FGGY: variants seen among roughly 807,000 people sequenced by gnomAD.
FGGY encodes FGGY carbohydrate kinase domain-containing protein.
In FGGY, 72 loss-of-function variants were observed where a neutral mutation model predicts 71.3. The ratio of observed to expected loss-of-function variants is 1.01; its 90% CI spans 0.84 to 1.23. The LOEUF is 1.23. Among genes scored for constraint, FGGY ranks in the 50% most tolerant of loss-of-function variants. The pLI is 0.00. For missense variants in FGGY, 668 were observed against 682.3 expected (o/e 0.98, Z 0.23); for synonymous variants, 251 against 250.3 (o/e 1.00, Z -0.02).
At chr1:59,296,565 G>T (rs1196962206), upstream of FGGY, 1 of 152,426 alleles carries the variant, frequency 6.6e-6, no homozygotes, top group African/African-American at 2.4e-5. Context: ...GGTTGGCTAG[G>T]CCCCAGGGAA....
At chr1:59,409,041 C>T (rs561805671) in intron 5 of FGGY, among the ~76,000 whole-genome samples, 1 of 152,288 alleles carries the variant, frequency 6.6e-6, no homozygotes, top group East Asian at 1.9e-4. Flanking sequence ...AAATCTCCAT[C>T]CTCCCCCATC....
chr1:59,436,948 A>G (rs897244704), intron 5 of FGGY, among the ~76,000 whole-genome samples: 1 of 152,218 alleles, frequency 6.6e-6, no homozygotes, highest in African/African-American at 2.4e-5. Flanking sequence ...AAACTCTCCC[A>G]TGACACTATG....
rs754831417 is a variant in FGGY, at chr1:59,542,445, CTTTTTTTTTTTTTTT to C, written c.800-11662_800-11648del. Among the ~76,000 whole-genome samples, 272 of 34,272 alleles carry C rather than the reference CTTTTTTTTTTTTTTT, an allele frequency of 7.9e-3. 2 individuals carry two copies. The highest frequency in any genetic ancestry group is 0.021 in the Admixed American group (49 of 2,372). The allele number at this position is 34,272 out of a possible 152,430, so 22.5% of individuals were successfully genotyped here. A position where few individuals can be genotyped will look rare whatever the true frequency, so the allele number is the denominator to read the frequency against. Reference sequence around the variant, plus strand: ...GCCAAGACTATATGTATGTTCTTTACTTTTTTTTTTTTTTTTTTTTTTTTTTTTTTTGAGATGGAG... The same window carrying C: ...GCCAAGACTATATGTATGTTCTTTACTTTTTTTTTTTTTTTTGAGATGGAG... On this transcript the variant is annotated intron_variant, in intron 7 of 15. Coordinates refer to ENST00000303721, the MANE Select transcript of FGGY (RefSeq NM_018291.5).
chr1:59,555,499 C>T (rs78185670), intron 8 of FGGY, among the ~76,000 whole-genome samples: 1 of 152,190 alleles, frequency 6.6e-6, no homozygotes, highest in Non-Finnish European at 1.5e-5. Flanking sequence ...GCTCCACATG[C>T]AGTAAGCACA....
At chr1:59,577,472 G>A (rs529460158) in intron 8 of FGGY, among the ~76,000 whole-genome samples, 107 of 151,946 alleles carry the variant, frequency 7.0e-4, no homozygotes, top group Non-Finnish European at 1.3e-3. Flanking sequence ...TTGTCTTGGT[G>A]TGTGACTAGA....
chr1:59,332,486 A>G (rs1174511837), intron 2 of FGGY, among the ~76,000 whole-genome samples: 1 of 152,066 alleles, frequency 6.6e-6, no homozygotes, highest in Non-Finnish European at 1.5e-5. Flanking sequence ...GTGTGGGGTG[A>G]GGGGTTGGGA....
chr1:59,345,421 A>G (rs895730933), intron 3 of FGGY, among the ~76,000 whole-genome samples: 2 of 151,940 alleles, frequency 1.3e-5, no homozygotes, highest in African/African-American at 4.8e-5. Flanking sequence ...GGCTGGGGAG[A>G]GAGATAAGGA....
At chr1:59,414,038 G>A (rs2153430654) in intron 5 of FGGY, among the ~76,000 whole-genome samples, 1 of 152,300 alleles carries the variant, frequency 6.6e-6, no homozygotes, top group Non-Finnish European at 1.5e-5. Flanking sequence ...CTGGAAAGTA[G>A]GAAATTATTA....
intron 3 of FGGY, among the ~76,000 whole-genome samples, chr1:59,342,906 C>T (rs189210191): frequency 1.3e-5 from 2 of 152,262 alleles, no homozygotes; most frequent in African/African-American, 2.4e-5. Context: ...ATAAAATAGT[C>T]TCATTTGCCT....
At chr1:59,403,944 G>A (rs765125758) in intron 5 of FGGY, among the ~76,000 whole-genome samples, 8 of 152,088 alleles carry the variant, frequency 5.3e-5, no homozygotes, top group Middle Eastern at 3.2e-3. Context: ...GAATAACATC[G>A]TAAAGCACTT....
intron 14 of FGGY, among the ~76,000 whole-genome samples, chr1:59,696,779 A>G (rs76818255): frequency 0.037 from 5,607 of 152,308 alleles, 151 homozygotes; most frequent in Admixed American, 0.059. Flanking sequence ...ATGTGTACCT[A>G]AGAGTGTAGA....
intron 1 of FGGY, chr1:59,318,512 C>T (rs1360010027): frequency 1.3e-5 from 2 of 152,252 alleles, no homozygotes; most frequent in African/African-American, 4.8e-5. Context: ...AAATCTGCCT[C>T]TTTGGGTTTT....
chr1:59,736,893 A>C (rs984380430), intron 14 of FGGY, among the ~76,000 whole-genome samples: 1 of 152,238 alleles, frequency 6.6e-6, no homozygotes, highest in Non-Finnish European at 1.5e-5. Context: ...AGAGGTCTTC[A>C]TGGCAGCTCC....
intron 7 of FGGY, among the ~76,000 whole-genome samples, chr1:59,544,563 G>T (rs889730590): frequency 2.0e-5 from 3 of 152,146 alleles, no homozygotes; most frequent in African/African-American, 7.2e-5. Flanking sequence ...GATTTTCTCA[G>T]ATACCTTCAG....
intron 4 of FGGY, among the ~76,000 whole-genome samples, chr1:59,357,617 T>A (rs1473735662): frequency 6.6e-6 from 1 of 152,230 alleles, no homozygotes; most frequent in African/African-American, 2.4e-5. Flanking sequence ...TGTGTTATTC[T>A]GCTGTACCAT....
intron 11 of FGGY, among the ~76,000 whole-genome samples, chr1:59,653,295 T>A (rs4912404): frequency 5.9e-5 from 9 of 152,232 alleles, no homozygotes; most frequent in South Asian, 4.1e-4. Flanking sequence ...TTCGAGCTTT[T>A]GGGCTGCTTT....
At chr1:59,325,617 C>T (rs2047293999) in intron 2 of FGGY, among the ~76,000 whole-genome samples, 1 of 152,188 alleles carries the variant, frequency 6.6e-6, no homozygotes, top group Non-Finnish European at 1.5e-5. Context: ...AGAGATTCAT[C>T]TTTATGTCTC....
At position 59,745,967 on chromosome 1, in the gene FGGY, G is replaced by A. The variant is rs1422374103; in HGVS notation, c.1513-11964G>A. Among the ~76,000 whole-genome samples, 3 of 152,204 alleles carry A rather than the reference G, an allele frequency of 2.0e-5. No individual in the cohort carries two copies. In the East Asian group the frequency reaches 5.8e-4, roughly 29 times the overall value. ...CATAAGTATAGCAGTCTCAAGGGGG[G>A]CTGTGGGAGTATTGAAGTGAAATGG... On this transcript the variant is annotated intron_variant, in intron 14 of 15. Transcript: ENST00000303721.
In FGGY at chr1:59,737,702, C is replaced by T. The variant is rs58309028; in HGVS notation, c.1513-20229C>T. 9.5e-3 allele frequency among the ~76,000 whole-genome samples: 1,440 copies of T among 152,302 alleles called. 23 individuals are homozygous for T. The highest frequency in any genetic ancestry group is 0.033 in the African/African-American group (1,385 of 41,546). The stretch of plus-strand genomic sequence containing the variant: ...ACTAACTTGCTTTCGATTTTGCAGG[C>T]TCATAGGCAGAAGGGACTTACCTTT... On this transcript the variant is annotated intron_variant, in intron 14 of 15. Coordinates refer to ENST00000303721, the MANE Select transcript of FGGY (RefSeq NM_018291.5).
Sources: allele counts gnomAD v4.1 joint callset (sites outside exome capture counted in the v4.1 genomes callset), GRCh38; gene constraint gnomAD v4.1.1; transcripts MANE v1.5; gene names NCBI Gene and HGNC (gene_info 2026-07-23, HGNC 2026-07-21).